SENP2: variants seen among roughly 807,000 people sequenced by gnomAD.
The protein encoded by SENP2 is sentrin-specific protease 2.
In SENP2, 16 loss-of-function variants were observed where a neutral mutation model predicts 86.3. The observed-to-expected ratio is 0.19, with a 90% confidence interval of 0.13 to 0.28. The LOEUF (loss-of-function observed/expected upper bound fraction) is 0.28. Among genes scored for constraint, SENP2 ranks in the 10% least tolerant of loss-of-function variants. The probability of loss-of-function intolerance (pLI) is 1.00; values close to 1 mark genes in which losing one functional copy is unlikely to be tolerated. For synonymous variants in SENP2, 222 were observed against 238.7 expected (o/e 0.93, Z 0.64); for missense variants, 552 against 703.0 (o/e 0.79, Z 2.43).
chr3:185,608,918 T>A (rs1192769437), intron 6 of SENP2: 3 of 177,674 alleles, frequency 1.7e-5, no homozygotes, highest in African/African-American at 2.4e-5. Flanking sequence ...GCAGATGATT[T>A]CTGCTGAGTT....
At position 185,632,244 on chromosome 3, in the gene SENP2, T is replaced by TTTTTTTG. The variant is rs1712515397; in HGVS notation, c.*2406_*2407insGTTTTTT. 1 of 131,250 alleles carries TTTTTTTG rather than the reference T, an allele frequency of 7.6e-6. No individual in the cohort carries two copies. The highest frequency in any genetic ancestry group is 1.6e-5 in the Non-Finnish European group (1 of 62,896). 8.1% of individuals were successfully genotyped at this position (131,250 alleles called of 1,614,324 possible). ...TTTTTGTTTTTTTTTTTTGTTTTTT[T>TTTTTTTG]TTTTTTTTTTTGCGACAGAGTCTCT... On this transcript the variant is annotated 3_prime_UTR_variant, in exon 17 of 17. Coordinates refer to ENST00000296257, the MANE Select transcript of SENP2 (RefSeq NM_021627.3).
At chr3:185,597,430 G>A (rs1430170353) in intron 2 of SENP2, among the ~76,000 whole-genome samples, 5 of 151,492 alleles carry the variant, frequency 3.3e-5, no homozygotes, top group Admixed American at 6.6e-5. Context: ...TTGGCTCACT[G>A]CAACCTCCGC....
rs960278553 is a variant in SENP2, at chr3:185,629,123, T to TA, written c.1708-652dup. Among the ~76,000 whole-genome samples the TA allele has an allele frequency of 1.4e-4, 22 of 152,236 alleles. No individual in the cohort carries two copies. In the South Asian group the frequency reaches 3.3e-3, roughly 23 times the overall value. On this transcript the variant is annotated intron_variant, in intron 16 of 16. Transcript: ENST00000296257. ...TATTTAAATAAATACGTTTTTCTCA[T>TA]AAAAAAACAGAATATGTTCATTTTA...
chr3:185,598,673 G>A, intron 3 of SENP2, 128 bp downstream of exon 3: 1 of 974,850 alleles, frequency 1.0e-6, no homozygotes, highest in Non-Finnish European at 1.5e-6. Context: ...ATCTTTATTA[G>A]CTGTGCTATA....
At chr3:185,610,425 G>C (rs527977603) in intron 7 of SENP2, among the ~76,000 whole-genome samples, 4 of 152,186 alleles carry the variant, frequency 2.6e-5, no homozygotes, top group South Asian at 4.2e-4. Flanking sequence ...GCCTCCCAGA[G>C]TGCTGGGATT....
At position 185,602,812 on chromosome 3, in the gene SENP2, G is replaced by A. The variant is rs1577725176; in HGVS notation, c.449+1957G>A. 3.4e-5 allele frequency among the ~76,000 whole-genome samples: 4 copies of A among 117,178 alleles called. No homozygotes were observed. In the South Asian group the frequency reaches 1.2e-3, roughly 36 times the overall value. The allele number at this position is 117,178 out of a possible 152,430, so 76.9% of individuals were successfully genotyped here. A position where few individuals can be genotyped will look rare whatever the true frequency, so the allele number is the denominator to read the frequency against. ...TACACCACTGCACTCCAGCCTGGGTGACAGAGTGAGACTCTGTCTTAAAAA... is the reference window on the plus strand; with the variant it reads ...TACACCACTGCACTCCAGCCTGGGTAACAGAGTGAGACTCTGTCTTAAAAA... On this transcript the variant is annotated intron_variant, in intron 5 of 16. Transcript: ENST00000296257.
chr3:185,607,039 T>G (rs1185328457), intron 6 of SENP2, among the ~76,000 whole-genome samples: 1 of 151,532 alleles, frequency 6.6e-6, no homozygotes, highest in African/African-American at 2.4e-5. Context: ...TGGAGTGCAG[T>G]GGTGCCGTCT....
intron 13 of SENP2, among the ~76,000 whole-genome samples, chr3:185,619,799 C>T (rs1711773403): frequency 6.6e-6 from 1 of 152,044 alleles, no homozygotes; most frequent in African/African-American, 2.4e-5. Context: ...GTGATCATAG[C>T]TCATTGCAGC....
rs1185421717 is a variant in SENP2 at position 185,632,229 on chromosome 3, T to G, written c.*2385T>G. On this transcript the variant is annotated 3_prime_UTR_variant, in exon 17 of 17. Transcript: ENST00000296257. ...AAGCCAGTGGTTTTTTTTTTGTTTT[T>G]TTTTTTTGTTTTTTTTTTTTTTTTT... The G allele has an allele frequency of 4.5e-5, 5 of 110,448 alleles. No individual in the cohort carries two copies. The highest frequency in any genetic ancestry group is 2.0e-4 in the Admixed American group (2 of 10,094). The allele number at this position is 110,448 out of a possible 1,614,324, so 6.8% of individuals were successfully genotyped here.
chr3:185,596,620 CAAAA>C (rs62894960), intron 2 of SENP2, among the ~76,000 whole-genome samples: 1 of 119,788 alleles, frequency 8.3e-6, no homozygotes, highest in Admixed American at 8.6e-5. Context: ...GACCCTGTCT[CAAAA>C]AAAAAAAAAA....
intron 10 of SENP2, 44 bp downstream of exon 10, chr3:185,613,452 T>A: frequency 8.2e-7 from 1 of 1,215,924 alleles, no homozygotes; most frequent in South Asian, 1.3e-5. Context: ...TTTACTTATG[T>A]AACTTATGTT....
At chr3:185,614,531 A>G (rs761909258) in intron 10 of SENP2, 33 bp from the exon 11 acceptor site, 8 of 1,560,686 alleles carry the variant, frequency 5.1e-6, no homozygotes, top group South Asian at 2.3e-5. Flanking sequence ...AGTATCAAAC[A>G]TGTCAGTAGA....
intron 15 of SENP2, 58 bp from the exon 16 acceptor site, chr3:185,626,240 A>T (rs1712139336): frequency 1.8e-6 from 2 of 1,136,424 alleles, no homozygotes; most frequent in African/African-American, 1.5e-5. Context: ...AAGTCCAAGG[A>T]ATTTGTATTT....
At chr3:185,609,589 T>C (rs975416033) in intron 7 of SENP2, among the ~76,000 whole-genome samples, 1 of 152,154 alleles carries the variant, frequency 6.6e-6, no homozygotes, top group East Asian at 1.9e-4. Flanking sequence ...GAAACTCTTA[T>C]ATTAAAAAAG....
At chr3:185,593,865 A>AT (rs1435690991) in intron 2 of SENP2, among the ~76,000 whole-genome samples, 18 of 151,564 alleles carry the variant, frequency 1.2e-4, no homozygotes, top group Non-Finnish European at 1.6e-4. Context: ...AGTAGCTGGG[A>AT]TTACAGGCGC....
Position 185,604,833 on chromosome 3 carries a change from G to A in SENP2, c.450-1497G>A, listed in dbSNP as rs1286553668. On this transcript the variant is annotated intron_variant, in intron 5 of 16. Transcript: ENST00000296257. The stretch of plus-strand genomic sequence containing the variant: ...TGCAGTGCCGCAATCTCGGCTCCCT[G>A]CAACCTCCGCCTCCTGGGTTCGAGC... Among the ~76,000 whole-genome samples, 3 of 151,052 alleles carry A rather than the reference G, an allele frequency of 2.0e-5. No individual in the cohort carries two copies. The East Asian group carries it at 6.0e-4, about 30-fold the overall frequency.
intron 3 of SENP2, 118 bp from the exon 4 acceptor site, chr3:185,598,840 G>A (rs1334310259): frequency 5.3e-6 from 4 of 758,384 alleles, no homozygotes; most frequent in Non-Finnish European, 8.7e-6. Flanking sequence ...TAAACCTTAG[G>A]TCTTATTGAT....
rs1722319466 is a variant in SENP2 at position 185,600,797 on chromosome 3, C to T, written c.391C>T (p.Pro131Ser). The T allele has an allele frequency of 6.2e-7, 1 of 1,610,852 alleles. No individual in the cohort carries two copies. The highest frequency in any genetic ancestry group is 8.5e-7 in the Non-Finnish European group (1 of 1,177,160). The change falls in exon 5 of 17, where the codon CCA becomes TCA. Residue 131 changes from proline to serine, a missense_variant. Transcript: ENST00000296257. ...ATCTCCTAATGGAATAAGTGACTAT[C>T]CAAAGATCAGAGTGACAGTTACCCG... ...NKSPNGISDY[P>S]KIRVTVTRDQ... is the part of the protein sequence containing the mutation.
At chr3:185,629,604 A>G (rs1254091995) in intron 16 of SENP2, among the ~76,000 whole-genome samples, 178 bp from the exon 17 acceptor site, 3 of 152,052 alleles carry the variant, frequency 2.0e-5, no homozygotes, top group Admixed American at 6.6e-5. Context: ...CTTATGGTAC[A>G]TATCATGTAA....
Sources: allele counts gnomAD v4.1 joint callset (sites outside exome capture counted in the v4.1 genomes callset), GRCh38; gene constraint gnomAD v4.1.1; transcripts MANE v1.5; gene names NCBI Gene and HGNC (gene_info 2026-07-23, HGNC 2026-07-21).